SLIT1: variants seen among roughly 807,000 people sequenced by gnomAD.
SLIT1 encodes the protein slit guidance ligand 1, also known as slit homolog 1 protein.
In SLIT1, 66 loss-of-function variants were observed where a neutral mutation model predicts 186.1. The ratio of observed to expected loss-of-function variants is 0.35; its 90% confidence interval spans 0.29 to 0.44. The LOEUF (loss-of-function observed/expected upper bound fraction) is 0.44. Among genes scored for constraint, SLIT1 ranks in the 20% least tolerant of loss-of-function variants. SLIT1 has a pLI of 1.00. For missense variants in SLIT1, 1,638 were observed against 2,037.4 expected (o/e 0.80, Z 3.77); for synonymous variants, 761 against 833.8 (o/e 0.91, Z 1.50).
intron 21 of SLIT1, among the ~76,000 whole-genome samples, chr10:97,039,634 A>C (rs1218030753): frequency 6.6e-6 from 1 of 152,254 alleles, no homozygotes; most frequent in Admixed American, 6.5e-5. Context: ...TGTGAAGAAC[A>C]CTACACTGCT....
chr10:97,162,654 A>G (rs1430724642), intron 3 of SLIT1, among the ~76,000 whole-genome samples: 1 of 152,102 alleles, frequency 6.6e-6, no homozygotes, highest in Non-Finnish European at 1.5e-5. Flanking sequence ...ATCCTGATAC[A>G]TGATTTTTAG....
At chr10:97,085,423 T>A (rs1206808109) in intron 4 of SLIT1, among the ~76,000 whole-genome samples, 1 of 152,006 alleles carries the variant, frequency 6.6e-6, no homozygotes, top group Non-Finnish European at 1.5e-5. Context: ...AGTCTCGCAC[T>A]GTCACCCAGG....
chr10:97,041,620 C>T (rs570167088), intron 20 of SLIT1, among the ~76,000 whole-genome samples: 4 of 151,990 alleles, frequency 2.6e-5, no homozygotes, highest in Non-Finnish European at 4.4e-5. Flanking sequence ...TACAGGCATG[C>T]GCCACCATGC....
At chr10:97,045,663 C>A (rs1349458633) in intron 18 of SLIT1, among the ~76,000 whole-genome samples, 3 of 152,094 alleles carry the variant, frequency 2.0e-5, no homozygotes, top group Admixed American at 2.0e-4. Context: ...AATGAGGCAG[C>A]CTATAGGAAC....
chr10:97,027,142 G>C (rs1049461254), intron 25 of SLIT1, among the ~76,000 whole-genome samples: 2 of 152,152 alleles, frequency 1.3e-5, no homozygotes, highest in Non-Finnish European at 2.9e-5. Context: ...GTAACTCCTG[G>C]CTAACCCTCG....
chr10:97,063,688 T>C, intron 7 of SLIT1, 70 bp from the exon 8 acceptor site: 1 of 1,478,880 alleles, frequency 6.8e-7, no homozygotes, highest in East Asian at 2.4e-5. Flanking sequence ...GGAACCCCAA[T>C]CTCAGGCAGG....
In SLIT1 at chr10:97,048,945, G is replaced by A. The variant is rs115509749; in HGVS notation, c.1465+10C>T. 1,594 of 1,604,026 alleles carry A rather than the reference G, an allele frequency of 9.9e-4. 5 individuals are homozygous for A. In the African/African-American group the frequency reaches 0.014, roughly 14 times the overall value. On this transcript the variant is annotated intron_variant, in intron 14 of 36. Coordinates refer to ENST00000266058, the MANE Select transcript of SLIT1 (RefSeq NM_003061.3). ...TGGACAGGTGGGCAGGTGGGCAGGC[G>A]GGCAGGTACCTGAGCACCGGAACTT... is the stretch of plus-strand genomic sequence containing the variant.
chr10:97,086,581 C>CA (rs1408521481), intron 4 of SLIT1, among the ~76,000 whole-genome samples: 3 of 150,592 alleles, frequency 2.0e-5, no homozygotes, highest in Non-Finnish European at 3.0e-5. Flanking sequence ...CCAACCCTCC[C>CA]AAAAAAAAGA....
intron 21 of SLIT1, among the ~76,000 whole-genome samples, chr10:97,039,264 A>G (rs887458850): frequency 6.6e-6 from 1 of 152,112 alleles, no homozygotes; most frequent in African/African-American, 2.4e-5. Context: ...TTTCATTGGG[A>G]GGTGTCTGCT....
intron 4 of SLIT1, among the ~76,000 whole-genome samples, chr10:97,088,253 C>T (rs1849189244): frequency 6.6e-6 from 1 of 152,192 alleles, no homozygotes; most frequent in Non-Finnish European, 1.5e-5. Flanking sequence ...CTTCTCTGTC[C>T]CTCAAACCCC....
Position 97,047,759 on chromosome 10 carries a change from T to A in SLIT1, c.1565A>T (p.Asn522Ile), listed in dbSNP as rs551521743. ...CTTCAGGCTGGAGCACTCCACCACG[T>A]TGGCCTCACAGCGGCACTTGTGGGG... Reference protein sequence around the residue: ...VCPHKCRCEANVVECSSLKLT... With the variant: ...VCPHKCRCEAIVVECSSLKLT... Residue 522 changes from asparagine (N) to isoleucine (I), a missense_variant, in exon 16 of 37, where the codon AAC becomes ATC. By Grantham distance (149) the Asn-to-Ile change is moderately radical (BLOSUM62 -3). This residue lies in a region of SLIT1 where 1,245 missense variants were observed against 1,535.3 expected (regional missense o/e 0.81). Transcript: ENST00000266058. 6 of 1,614,090 alleles carry A rather than the reference T, an allele frequency of 3.7e-6. No individual in the cohort carries two copies. The highest frequency in any genetic ancestry group is 5.1e-6 in the Non-Finnish European group (6 of 1,180,024).
intron 4 of SLIT1, among the ~76,000 whole-genome samples, chr10:97,139,057 T>G (rs1849732114): frequency 6.6e-6 from 1 of 151,944 alleles, no homozygotes; most frequent in Non-Finnish European, 1.5e-5. Context: ...TTGTAATGAG[T>G]TGGTCGGGTG....
At chr10:97,060,031 C>T (rs1311377951) in intron 10 of SLIT1, 56 bp downstream of exon 10, 2 of 1,472,920 alleles carry the variant, frequency 1.4e-6, no homozygotes, top group African/African-American at 1.4e-5. Context: ...GTGGGACCAC[C>T]CAGGATCTCC....
chr10:97,065,241 T>C (rs1312374294), intron 5 of SLIT1, among the ~76,000 whole-genome samples: 1 of 152,090 alleles, frequency 6.6e-6, no homozygotes, highest in Non-Finnish European at 1.5e-5. Context: ...CATCCAGAGC[T>C]GGCAAACAGA....
intron 3 of SLIT1, among the ~76,000 whole-genome samples, chr10:97,158,341 T>C (rs1307566170): frequency 6.6e-6 from 1 of 152,024 alleles, no homozygotes; most frequent in Non-Finnish European, 1.5e-5. Flanking sequence ...CTTTTTTTTT[T>C]ATTGTTTGCT....
chr10:97,129,238 C>T (rs1240693784), intron 4 of SLIT1, among the ~76,000 whole-genome samples: 1 of 152,068 alleles, frequency 6.6e-6, no homozygotes, highest in African/African-American at 2.4e-5. Context: ...CCCGTCTCTA[C>T]TAAAAATACA....
At chr10:97,046,598 G>A in intron 18 of SLIT1, 56 bp downstream of exon 18, 1 of 1,518,702 alleles carries the variant, frequency 6.6e-7, no homozygotes, top group Non-Finnish European at 8.8e-7. Flanking sequence ...CCTTTCCCTT[G>A]GCTTTGCCTG....
At chr10:97,050,920 A>T (rs1848780572) in intron 13 of SLIT1, among the ~76,000 whole-genome samples, 1 of 152,258 alleles carries the variant, frequency 6.6e-6, no homozygotes, top group Non-Finnish European at 1.5e-5. Context: ...TATTTTATAC[A>T]AATTAGAATT....
intron 23 of SLIT1, among the ~76,000 whole-genome samples, chr10:97,033,860 ATTTTTTT>A: frequency 8.0e-6 from 1 of 125,292 alleles, no homozygotes; most frequent in East Asian, 2.3e-4. Flanking sequence ...GCACTGTTCT[ATTTTTTT>A]TTTTTTTTTT....
Sources: allele counts gnomAD v4.1 joint callset (sites outside exome capture counted in the v4.1 genomes callset), GRCh38; gene constraint gnomAD v4.1.1; regional missense constraint gnomAD v4.1.1; transcripts MANE v1.5; gene names NCBI Gene and HGNC (gene_info 2026-07-23, HGNC 2026-07-21).